NSD3: variants seen among roughly 807,000 people sequenced by gnomAD.
The protein encoded by NSD3 is nuclear receptor binding SET domain protein 3, also known as histone-lysine N-methyltransferase NSD3.
NSD3 carries 24 observed loss-of-function variants against 160.8 expected under a neutral mutation model. The ratio of observed to expected loss-of-function variants is 0.15; its 90% confidence interval spans 0.11 to 0.21. The LOEUF (loss-of-function observed/expected upper bound fraction) is 0.21. Ranked by LOEUF, NSD3 falls within the 10% of genes least tolerant of loss-of-function variation. The probability of loss-of-function intolerance (pLI) is 1.00; values close to 1 mark genes in which losing one functional copy is unlikely to be tolerated. For missense variants in NSD3, 1,157 were observed against 1,735.9 expected, an observed-to-expected ratio of 0.67 and a Z score of 5.93; for synonymous variants, 520 against 600.0, an observed-to-expected ratio of 0.87 and a Z score of 1.95.
chr8:38,284,144 C>T (rs1808800937), intron 19 of NSD3, among the ~76,000 whole-genome samples: 1 of 152,200 alleles, frequency 6.6e-6, no homozygotes, highest in African/African-American at 2.4e-5. Flanking sequence ...ACTGCAGCAC[C>T]ATAAACAGTT....
intron 1 of NSD3, among the ~76,000 whole-genome samples, chr8:38,357,644 G>A (rs932434917): frequency 3.9e-5 from 6 of 151,946 alleles, no homozygotes; most frequent in Admixed American, 6.6e-5. Flanking sequence ...TATTCTATGC[G>A]TGCCTCTCAG....
Position 38,288,559 on chromosome 8 carries a change from T to C in NSD3, c.3429A>G (p.Leu1143=). The change falls in exon 19 of 24, where the codon CTA becomes CTG. Residue 1143 remains leucine, a synonymous_variant. Coordinates refer to ENST00000317025, the MANE Select transcript of NSD3 (RefSeq NM_023034.2). The surrounding 1 kb of genome is among the most constrained non-coding windows in gnomAD (Gnocchi z 4.5). ...RCQNQCFTKR[L]YPDAEIIKTE... ...TTTTGATGATCTCTGCATCAGGGTATAGTCTCTTTGTAAAGCACTGGTTCT... is the reference window on the plus strand; with the variant it reads ...TTTTGATGATCTCTGCATCAGGGTACAGTCTCTTTGTAAAGCACTGGTTCT... 1 of 1,614,192 alleles carries C rather than the reference T, an allele frequency of 6.2e-7. No individual in the cohort carries two copies. Among genetic ancestry groups the C allele is most frequent in the Non-Finnish European group, 8.5e-7 (1 of 1,180,040 alleles).
intron 12 of NSD3, among the ~76,000 whole-genome samples, chr8:38,314,092 G>A (rs571939320): frequency 1.1e-3 from 160 of 152,226 alleles, no homozygotes; most frequent in Admixed American, 2.0e-3. Flanking sequence ...AAACAACTAC[G>A]ACTTGCTTTC....
intron 1 of NSD3, among the ~76,000 whole-genome samples, chr8:38,375,812 A>T (rs973410112): frequency 3.4e-5 from 5 of 147,320 alleles, no homozygotes; most frequent in South Asian, 2.2e-4. Flanking sequence ...GACTGCTTTT[A>T]AAAAAAAAGT....
At chr8:38,351,527 C>CT (rs1810700743) in intron 1 of NSD3, among the ~76,000 whole-genome samples, 1 of 151,426 alleles carries the variant, frequency 6.6e-6, no homozygotes, top group Non-Finnish European at 1.5e-5. Context: ...GCTGGGCATG[C>CT]TGGCAAGTGC....
At chr8:38,331,397 C>A in intron 5 of NSD3, 34 bp downstream of exon 5, 6 of 1,500,982 alleles carry the variant, frequency 4.0e-6, no homozygotes, top group African/African-American at 1.4e-5. Flanking sequence ...CTTTAAAAAC[C>A]ATACTAGGTA....
At position 38,308,725 on chromosome 8, in the gene NSD3, TG is replaced by T. The variant is rs1237810579; in HGVS notation, c.2243-3281del. On this transcript the variant is annotated intron_variant, in intron 12 of 23. Coordinates refer to ENST00000317025, the MANE Select transcript of NSD3 (RefSeq NM_023034.2). ...GTTCCACCTGCTCAGGAGGCTGAGGTGGGAGGATTGAGCCCAGGAGGTCGAG... is the reference window on the plus strand; with the variant it reads ...GTTCCACCTGCTCAGGAGGCTGAGGTGGAGGATTGAGCCCAGGAGGTCGAG... Among the ~76,000 whole-genome samples, 18 of 151,948 alleles carry T rather than the reference TG, an allele frequency of 1.2e-4. 1 individual carries two copies. Among genetic ancestry groups the T allele is most frequent in the Admixed American group, 1.3e-4 (2 of 15,270 alleles).
chr8:38,338,068 G>T (rs1810267703), intron 3 of NSD3, among the ~76,000 whole-genome samples: 1 of 152,142 alleles, frequency 6.6e-6, no homozygotes, highest in Non-Finnish European at 1.5e-5. Flanking sequence ...TTGGGAGGGT[G>T]AGGAGGGCAG....
chr8:38,324,963 T>C (rs1002427157), intron 7 of NSD3, among the ~76,000 whole-genome samples: 2 of 152,244 alleles, frequency 1.3e-5, no homozygotes, highest in African/African-American at 4.8e-5. Context: ...TACCTTGCCC[T>C]GTGCATCTCT....
Position 38,326,640 on chromosome 8 carries a change from A to G in NSD3, c.1708+90T>C, listed in dbSNP as rs193243307. 336 of 1,309,268 alleles carry G rather than the reference A, an allele frequency of 2.6e-4. 3 individuals are homozygous for G. In the African/African-American group the frequency reaches 3.8e-3, roughly 15 times the overall value. 81.1% of individuals were successfully genotyped at this position (1,309,268 alleles called of 1,614,324 possible). On this transcript the variant is annotated intron_variant, in intron 7 of 23. Transcript: ENST00000317025. ...ATATAATTTACTTTTGATAACTAAGAGTTTCTTAGAAACACAGCTACCACA... is the reference window on the plus strand; with the variant it reads ...ATATAATTTACTTTTGATAACTAAGGGTTTCTTAGAAACACAGCTACCACA...
intron 2 of NSD3, among the ~76,000 whole-genome samples, chr8:38,340,404 C>T (rs1439381779): frequency 2.6e-5 from 4 of 152,212 alleles, no homozygotes; most frequent in African/African-American, 9.7e-5. Context: ...GTGGCGCCAT[C>T]TCGGCTCATT....
At chr8:38,279,501 C>T (rs780369919) in intron 21 of NSD3, 39 bp downstream of exon 21, 3 of 1,608,466 alleles carry the variant, frequency 1.9e-6, no homozygotes, top group Non-Finnish European at 2.6e-6. Flanking sequence ...ATTCTTTCTT[C>T]CTAGGGAGGA....
Position 38,318,866 on chromosome 8 carries a change from T to G in NSD3, c.1855+29A>C. 2 of 1,599,456 alleles carry G rather than the reference T, an allele frequency of 1.3e-6. No homozygotes were observed. The highest frequency in any genetic ancestry group is 3.6e-5 in the Admixed American group (2 of 55,986). ...TAAAAATTGGTTTTAATCAAGGAAA[T>G]GCAAAGCAACATTATAATATTAACT... On this transcript the variant is annotated intron_variant, in intron 9 of 23. Coordinates refer to ENST00000317025, the MANE Select transcript of NSD3 (RefSeq NM_023034.2). The surrounding 1 kb of genome is among the most constrained non-coding windows in gnomAD (Gnocchi z 5.3).
chr8:38,278,366 G>C lies in NSD3; in HGVS notation c.3807C>G (p.Gly1269=). Residue 1269 remains glycine, a synonymous_variant, in exon 22 of 24, where the codon GGC becomes GGG. Transcript: ENST00000317025. The part of the protein sequence containing the change: ...FNYNLDCLGN[G]RTECHCGADN... ...CTGCTCCACAGTGGCACTCCGTTCTGCCGTTGCCCAGACAATCTAGGTTAT... is the reference window on the plus strand; with the variant it reads ...CTGCTCCACAGTGGCACTCCGTTCTCCCGTTGCCCAGACAATCTAGGTTAT... The C allele has an allele frequency of 6.2e-7, 1 of 1,613,996 alleles. No homozygotes were observed. Among genetic ancestry groups the C allele is most frequent in the Non-Finnish European group, 8.5e-7 (1 of 1,179,984 alleles).
chr8:38,373,030 A>C (rs1481208259), intron 1 of NSD3, among the ~76,000 whole-genome samples: 1 of 148,602 alleles, frequency 6.7e-6, no homozygotes, highest in Admixed American at 6.7e-5. Flanking sequence ...CAGCCTGGGC[A>C]ACACAGCGAG....
chr8:38,379,159 T>C (rs879504310), intron 1 of NSD3, among the ~76,000 whole-genome samples: 10 of 152,028 alleles, frequency 6.6e-5, no homozygotes, highest in Admixed American at 1.3e-4. Flanking sequence ...GACATATTAA[T>C]TGGTTATAAG....
Position 38,317,799 on chromosome 8 carries a change from A to T in NSD3, c.1855+1096T>A. 3.5e-6 allele frequency: 5 copies of T among 1,447,658 alleles called. No homozygotes were observed. The allele number at this position is 1,447,658 out of a possible 1,614,324, so 89.7% of individuals were successfully genotyped here. ...CATTTGACTGTTAAAGCAATTGTTC[A>T]GAGTCTTGAAGAAGAAACCAGGCAG... On this transcript the variant is annotated intron_variant, in intron 9 of 23. Coordinates refer to ENST00000317025, the MANE Select transcript of NSD3 (RefSeq NM_023034.2). This position sits in a 1 kb window ranked among gnomAD's most constrained non-coding sequence, Gnocchi z 5.3.
intron 19 of NSD3, among the ~76,000 whole-genome samples, chr8:38,284,474 C>T (rs960259462): frequency 2.0e-5 from 3 of 152,154 alleles, no homozygotes; most frequent in East Asian, 3.9e-4. Context: ...CTGCAACCTC[C>T]GCCTCCTGGA....
At position 38,318,138 on chromosome 8, in the gene NSD3, G is replaced by A; in HGVS notation, c.1855+757C>T. ...CCGCCAAGCAGTGTTCCCTCCGAGA[G>A]GCTGTTCAGTTCTGCTGAGGATCTC... is the stretch of plus-strand genomic sequence containing the variant. On this transcript the variant is annotated intron_variant, in intron 9 of 23. Coordinates refer to ENST00000317025, the MANE Select transcript of NSD3 (RefSeq NM_023034.2). The surrounding 1 kb of genome is among the most constrained non-coding windows in gnomAD (Gnocchi z 5.3). 1 of 1,417,710 alleles carries A rather than the reference G, an allele frequency of 7.1e-7. No homozygotes were observed. The highest frequency in any genetic ancestry group is 9.7e-7 in the Non-Finnish European group (1 of 1,031,930). 87.8% of individuals were successfully genotyped at this position (1,417,710 alleles called of 1,614,324 possible).
Sources: allele counts gnomAD v4.1 joint callset (sites outside exome capture counted in the v4.1 genomes callset), GRCh38; gene constraint gnomAD v4.1.1; non-coding constraint Gnocchi (gnomAD v3.1); transcripts MANE v1.5; gene names NCBI Gene and HGNC (gene_info 2026-07-23, HGNC 2026-07-21).